The following IL1RAPL2 variants were observed in gnomAD, a reference collection of about 807,000 sequenced individuals.
The protein encoded by IL1RAPL2 is X-linked interleukin-1 receptor accessory protein-like 2.
Under a neutral mutation model 44.1 loss-of-function variants are expected in IL1RAPL2, and 3 were observed. That is an observed-to-expected ratio of 0.07 (90% CI 0.03 to 0.18). IL1RAPL2 has a LOEUF of 0.18. Ranked by LOEUF, IL1RAPL2 falls within the 10% of genes least tolerant of loss-of-function variation. IL1RAPL2 has a pLI of 1.00. For missense variants in IL1RAPL2, 391 were observed against 496.4 expected (o/e 0.79, Z 2.02); for synonymous variants, 181 against 178.8 (o/e 1.01, Z -0.10).
intron 2 of IL1RAPL2, among the ~76,000 whole-genome samples, chrX:105,111,206 A>G (rs141637818): frequency 0.03 from 3,385 of 111,750 alleles, 157 homozygotes; most frequent in African/African-American, 0.1. Flanking sequence ...AAAAAAGAAA[A>G]TGTTTTTTAA....
chrX:105,712,326 G>T (rs775385965), intron 6 of IL1RAPL2, among the ~76,000 whole-genome samples: 1 of 111,880 alleles, frequency 8.9e-6, no homozygotes, highest in African/African-American at 3.2e-5. Context: ...CCATGGCTGG[G>T]TGGCTGAGGG....
intron 2 of IL1RAPL2, among the ~76,000 whole-genome samples, chrX:104,930,191 T>C (rs1924863807): frequency 8.9e-6 from 1 of 112,368 alleles, no homozygotes; most frequent in Non-Finnish European, 1.9e-5. Context: ...CTATGACCAT[T>C]TGCTAAGCTC....
chrX:105,108,240 C>T (rs2032763410), intron 2 of IL1RAPL2, among the ~76,000 whole-genome samples: 1 of 112,125 alleles, frequency 8.9e-6, no homozygotes, highest in South Asian at 3.7e-4. Flanking sequence ...TATCAACTCA[C>T]TACCCTCTGC....
chrX:105,289,741 G>A (rs1471205411), intron 5 of IL1RAPL2, among the ~76,000 whole-genome samples: 1 of 111,246 alleles, frequency 9.0e-6, no homozygotes, highest in East Asian at 2.8e-4. Context: ...AATGTTGGAT[G>A]GGCAGTTGGA....
chrX:104,718,679 CTT>C (rs1391482218), intron 2 of IL1RAPL2, among the ~76,000 whole-genome samples: 1 of 111,396 alleles, frequency 9.0e-6, no homozygotes, highest in African/African-American at 3.3e-5. Flanking sequence ...AATTAAACCT[CTT>C]TTGTTTATAA....
intron 2 of IL1RAPL2, among the ~76,000 whole-genome samples, chrX:105,116,109 T>C (rs765707976): frequency 0.015 from 1 of 65 alleles, no homozygotes; most frequent in Admixed American, 0.17. Context: ...TCCCTGCAAG[T>C]GGAGGGAAGC....
intron 6 of IL1RAPL2, among the ~76,000 whole-genome samples, chrX:105,671,469 CTTTTA>C (rs1331208804): frequency 9.0e-6 from 1 of 111,161 alleles, no homozygotes; most frequent in African/African-American, 3.3e-5. Flanking sequence ...GTTTGCATGT[CTTTTA>C]TTTTATTGTT....
intron 5 of IL1RAPL2, among the ~76,000 whole-genome samples, chrX:105,291,193 CAG>C (rs2034609863): frequency 8.9e-6 from 1 of 112,000 alleles, no homozygotes; most frequent in Non-Finnish European, 1.9e-5. Context: ...CTTTGTAAAA[CAG>C]AAATGAAAAT....
intron 5 of IL1RAPL2, among the ~76,000 whole-genome samples, chrX:105,389,949 G>A (rs894672519): frequency 9.0e-6 from 1 of 110,683 alleles, no homozygotes; most frequent in African/African-American, 3.3e-5. Context: ...TCACACCCCA[G>A]CCTAAGAAAA....
At chrX:104,585,923 GT>G (rs1928552119) in intron 1 of IL1RAPL2, among the ~76,000 whole-genome samples, 1 of 111,067 alleles carries the variant, frequency 9.0e-6, no homozygotes, top group Non-Finnish European at 1.9e-5. Context: ...ATGTGCCTTT[GT>G]GATAGAGTGG....
At chrX:105,758,082 G>A (rs1275986996) in intron 10 of IL1RAPL2, among the ~76,000 whole-genome samples, 1 of 110,900 alleles carries the variant, frequency 9.0e-6, no homozygotes, top group African/African-American at 3.3e-5. Context: ...TTCCTGTTGG[G>A]GGGGAAACCT....
chrX:105,043,336 C>CT (rs370127540), intron 2 of IL1RAPL2, among the ~76,000 whole-genome samples: 8 of 110,591 alleles, frequency 7.2e-5, no homozygotes, highest in African/African-American at 2.6e-4. Flanking sequence ...ACTCCAAGGA[C>CT]TGAGGGGATA....
At position 104,910,002 on chromosome X, in the gene IL1RAPL2, G is replaced by A. The variant is rs917313529; in HGVS notation, c.82+251007G>A. ...TCAGACTGCTGTGCTAGCAATCAGC[G>A]AGACTCCGTGGTTGTAGGACCCTCC... On this transcript the variant is annotated intron_variant, in intron 2 of 10. Transcript: ENST00000372582. Among the ~76,000 whole-genome samples, 3 of 112,458 alleles carry A rather than the reference G, an allele frequency of 2.7e-5. No homozygotes were observed. The Admixed American group carries it at 2.8e-4, about 11-fold the overall frequency.
At chrX:104,603,787 A>G (rs970275906) in intron 1 of IL1RAPL2, among the ~76,000 whole-genome samples, 2 of 112,292 alleles carry the variant, frequency 1.8e-5, no homozygotes, top group Non-Finnish European at 3.8e-5. Context: ...CAAAGCATCC[A>G]AATAAATATG....
intron 5 of IL1RAPL2, among the ~76,000 whole-genome samples, chrX:105,443,205 T>C (rs1158818934): frequency 1.8e-5 from 2 of 112,184 alleles, no homozygotes; most frequent in Non-Finnish European, 3.8e-5. Context: ...TAAAATGTTT[T>C]AATTTTTAAT....
intron 2 of IL1RAPL2, among the ~76,000 whole-genome samples, chrX:104,794,871 G>C (rs779948930): frequency 1.8e-5 from 2 of 111,850 alleles, no homozygotes; most frequent in East Asian, 5.7e-4. Flanking sequence ...ACTTGCATTA[G>C]AGTAGTTTCT....
At chrX:105,158,208 A>C (rs1294622852) in intron 2 of IL1RAPL2, among the ~76,000 whole-genome samples, 1 of 19,681 alleles carries the variant, frequency 5.1e-5, no homozygotes, top group Non-Finnish European at 8.8e-5. Context: ...ATACAAAAAA[A>C]TTACCTGGGT....
chrX:105,728,136 A>T (rs1437711563), intron 7 of IL1RAPL2, among the ~76,000 whole-genome samples: 1 of 111,636 alleles, frequency 9.0e-6, no homozygotes, highest in African/African-American at 3.2e-5. Flanking sequence ...ACAGTATCAT[A>T]CAGATGAGTT....
At chrX:105,199,627 A>G (rs1420162745) in intron 3 of IL1RAPL2, among the ~76,000 whole-genome samples, 2 of 111,823 alleles carry the variant, frequency 1.8e-5, no homozygotes, top group Non-Finnish European at 3.8e-5. Context: ...CTCTCTTTCA[A>G]GTACATTTCA....
Sources: allele counts gnomAD v4.1 joint callset (sites outside exome capture counted in the v4.1 genomes callset), GRCh38; gene constraint gnomAD v4.1.1; transcripts MANE v1.5; gene names NCBI Gene and HGNC (gene_info 2026-07-23, HGNC 2026-07-21).